Variants in CREB3L2 observed in about 807,000 individuals in gnomAD.
CREB3L2 encodes cyclic AMP-responsive element-binding protein 3-like protein 2.
CREB3L2 carries 23 observed loss-of-function variants against 57.2 expected under a neutral mutation model. That is an observed-to-expected ratio of 0.40 (90% confidence interval 0.29 to 0.57). The LOEUF (loss-of-function observed/expected upper bound fraction) is 0.57. CREB3L2 is among the 20% of genes least tolerant of loss of function. The probability of loss-of-function intolerance (pLI) is 0.42; values close to 1 mark genes in which losing one functional copy is unlikely to be tolerated. For missense variants in CREB3L2, 628 were observed against 634.7 expected (o/e 0.99, Z 0.11); for synonymous variants, 268 against 265.1 (o/e 1.01, Z -0.11).
In CREB3L2 at chr7:137,966,982, G is replaced by A. The variant is rs117164891; in HGVS notation, c.102+34622C>T. ...GGGGCCTCTGGGAGGTTTACATGAC[G>A]TCATGAGGTGGGGTTCCCATGATGG... is the stretch of plus-strand genomic sequence containing the variant. On this transcript the variant is annotated intron_variant, in intron 1 of 11. Transcript: ENST00000330387. Among the ~76,000 whole-genome samples, 581 of 152,234 alleles carry A rather than the reference G, an allele frequency of 3.8e-3. 18 individuals carry two copies. In the East Asian group the frequency reaches 0.079, roughly 21 times the overall value.
chr7:137,969,058 G>A (rs1203206600), intron 1 of CREB3L2, among the ~76,000 whole-genome samples: 1 of 152,160 alleles, frequency 6.6e-6, no homozygotes, highest in Non-Finnish European at 1.5e-5. Context: ...GACACTGTGG[G>A]GCTGCTTAGT....
Position 137,983,930 on chromosome 7 carries a change from G to A in CREB3L2, c.102+17674C>T, listed in dbSNP as rs1042890265. ...TTTGATTCCCATCCGCACACTGCCC[G>A]CTCCCTGCCACTCTGCTCTCCAGTG... On this transcript the variant is annotated intron_variant, in intron 1 of 11. Coordinates refer to ENST00000330387, the MANE Select transcript of CREB3L2 (RefSeq NM_194071.4). 2.9e-4 allele frequency among the ~76,000 whole-genome samples: 44 copies of A among 152,074 alleles called. 1 individual carries two copies. Among genetic ancestry groups the A allele is most frequent in the African/African-American group, 1.0e-3 (43 of 41,424 alleles).
chr7:137,929,486 G>T (rs563091716), intron 1 of CREB3L2, among the ~76,000 whole-genome samples: 1 of 151,990 alleles, frequency 6.6e-6, no homozygotes, highest in Non-Finnish European at 1.5e-5. Context: ...AATATTTCCA[G>T]ACACTGCCCA....
rs1263044019 is a variant in CREB3L2 at position 137,879,213 on chromosome 7, T to C, written c.*1263A>G. On this transcript the variant is annotated 3_prime_UTR_variant, in exon 12 of 12. Transcript: ENST00000330387. ...TAAAAGTAGGTTGGGGATTAGGTTG[T>C]ATCTCTTTGGGCGAGCTGCAAAGTA... The C allele has an allele frequency of 1.9e-6, 1 of 534,930 alleles. No individual in the cohort carries two copies. Among genetic ancestry groups the C allele is most frequent in the Non-Finnish European group, 3.6e-6 (1 of 275,598 alleles). 33.1% of individuals were successfully genotyped at this position (534,930 alleles called of 1,614,324 possible). A position where few individuals can be genotyped will look rare whatever the true frequency, so the allele number is the denominator to read the frequency against.
chr7:137,993,955 A>G (rs900978257), intron 1 of CREB3L2, among the ~76,000 whole-genome samples: 3 of 152,208 alleles, frequency 2.0e-5, no homozygotes, highest in African/African-American at 7.2e-5. Context: ...AACCTATACA[A>G]TTTGATTCAA....
intron 1 of CREB3L2, among the ~76,000 whole-genome samples, chr7:137,935,225 C>T (rs767042481): frequency 3.9e-5 from 6 of 152,148 alleles, no homozygotes; most frequent in South Asian, 4.1e-4. Context: ...AAATAATGCA[C>T]GTAATACACC....
chr7:137,987,860 T>C (rs993878780), intron 1 of CREB3L2, among the ~76,000 whole-genome samples: 1 of 152,200 alleles, frequency 6.6e-6, no homozygotes, highest in Non-Finnish European at 1.5e-5. Flanking sequence ...TCTACCTTTT[T>C]TAAAAGTTTG....
chr7:137,886,134 T>C (rs1371512260), intron 8 of CREB3L2, among the ~76,000 whole-genome samples: 2 of 152,244 alleles, frequency 1.3e-5, no homozygotes, highest in Middle Eastern at 3.2e-3. Flanking sequence ...AAGAGATCAA[T>C]TTCTGTTGTT....
At chr7:137,966,277 G>A (rs1383942713) in intron 1 of CREB3L2, among the ~76,000 whole-genome samples, 2 of 152,320 alleles carry the variant, frequency 1.3e-5, no homozygotes, top group African/African-American at 2.4e-5. Flanking sequence ...TTGTAAAATA[G>A]ATTATATGTT....
chr7:137,972,684 CAAAAAAAAA>C (rs58627909), intron 1 of CREB3L2, among the ~76,000 whole-genome samples: 55 of 9,652 alleles, frequency 5.7e-3, no homozygotes, highest in African/African-American at 0.013. Context: ...CCCGTCTCTA[CAAAAAAAAA>C]AAAAAAAAAA....
chr7:137,899,066 AGAAAGAAAGAAAAGG>A (rs1356119532), intron 8 of CREB3L2, among the ~76,000 whole-genome samples: 96 of 142,762 alleles, frequency 6.7e-4, no homozygotes, highest in East Asian at 6.0e-3. Flanking sequence ...AAAAAGAAAG[AGAAAGAAAGAAAAGG>A]AAGAAAAAGG....
intron 1 of CREB3L2, among the ~76,000 whole-genome samples, chr7:137,946,923 GTTATATATAT>G (rs1801003318): frequency 2.0e-5 from 1 of 49,598 alleles, no homozygotes; most frequent in Non-Finnish European, 3.3e-5. Context: ...TATATATATA[GTTATATATAT>G]AGTTATATAT....
At chr7:137,922,402 A>ACG (rs1563253217) in intron 2 of CREB3L2, among the ~76,000 whole-genome samples, 1 of 21,014 alleles carries the variant, frequency 4.8e-5, no homozygotes, top group Non-Finnish European at 8.6e-5. Context: ...ATATATATAT[A>ACG]TATATATATA....
chr7:137,886,725 GAA>G (rs112746477), intron 8 of CREB3L2, among the ~76,000 whole-genome samples: 1 of 143,342 alleles, frequency 7.0e-6, no homozygotes, highest in East Asian at 2.0e-4. Context: ...AGCAAGAGCA[GAA>G]AAAAAAAAAG....
At chr7:137,948,938 C>T (rs1379875952) in intron 1 of CREB3L2, among the ~76,000 whole-genome samples, 4 of 152,192 alleles carry the variant, frequency 2.6e-5, no homozygotes, top group Non-Finnish European at 4.4e-5. Context: ...TTAAGGATGG[C>T]TGTCTGTTAC....
intron 7 of CREB3L2, among the ~76,000 whole-genome samples, chr7:137,901,675 T>C (rs1254151229): frequency 6.6e-6 from 1 of 150,906 alleles, no homozygotes; most frequent in Non-Finnish European, 1.5e-5. Flanking sequence ...GGTCAGGAGA[T>C]AGAGACCATC....
intron 1 of CREB3L2, among the ~76,000 whole-genome samples, chr7:137,937,909 T>A (rs1356428650): frequency 6.6e-6 from 1 of 151,386 alleles, no homozygotes; most frequent in Non-Finnish European, 1.5e-5. Context: ...GTAAATGAAG[T>A]ATGTGAAATA....
At chr7:137,909,682 C>A (rs1290141671) in intron 4 of CREB3L2, among the ~76,000 whole-genome samples, 2 of 152,188 alleles carry the variant, frequency 1.3e-5, no homozygotes, top group Non-Finnish European at 2.9e-5. Flanking sequence ...GGAGACCACC[C>A]AGCATACTAT....
At chr7:137,895,091 G>C (rs547213169) in intron 8 of CREB3L2, among the ~76,000 whole-genome samples, 3 of 152,302 alleles carry the variant, frequency 2.0e-5, no homozygotes, top group African/African-American at 7.2e-5. Context: ...AAAGATGCCT[G>C]AGAACAAAAT....
Sources: allele counts gnomAD v4.1 joint callset (sites outside exome capture counted in the v4.1 genomes callset), GRCh38; gene constraint gnomAD v4.1.1; transcripts MANE v1.5; gene names NCBI Gene and HGNC (gene_info 2026-07-23, HGNC 2026-07-21).